Variants in KALRN observed in about 807,000 individuals in gnomAD.
KALRN encodes the protein kalirin.
Under a neutral mutation model 353.7 loss-of-function variants are expected in KALRN, and 70 were observed. The observed-to-expected ratio is 0.20, with a 90% CI of 0.16 to 0.24. KALRN has a LOEUF of 0.24. Ranked by LOEUF, KALRN falls within the 10% of genes least tolerant of loss-of-function variation. The pLI, the probability that KALRN is intolerant of heterozygous loss-of-function variation, is 1.00. For missense variants in KALRN, 2,791 were observed against 3,756.7 expected, an observed-to-expected ratio of 0.74 and a Z score of 6.72; for synonymous variants, 1,391 against 1,434.8, an observed-to-expected ratio of 0.97 and a Z score of 0.69.
At chr3:124,511,463 C>T (rs2065897077) in intron 33 of KALRN, among the ~76,000 whole-genome samples, 1 of 152,214 alleles carries the variant, frequency 6.6e-6, no homozygotes, top group Non-Finnish European at 1.5e-5. Context: ...TCCTCTTGCT[C>T]AAGTGACTTC....
At chr3:124,188,443 A>G (rs1397935513) in intron 1 of KALRN, among the ~76,000 whole-genome samples, 2 of 152,328 alleles carry the variant, frequency 1.3e-5, no homozygotes, top group East Asian at 3.9e-4. Flanking sequence ...AAAAGCTGCT[A>G]TCATTAATAT....
chr3:124,467,544 C>T (rs528163082), intron 25 of KALRN, among the ~76,000 whole-genome samples: 3 of 152,140 alleles, frequency 2.0e-5, no homozygotes, highest in Non-Finnish European at 4.4e-5. Context: ...GCAGGGATGG[C>T]TTCCTTGATG....
chr3:124,310,727 T>G (rs1013191933), intron 6 of KALRN, among the ~76,000 whole-genome samples: 7 of 152,202 alleles, frequency 4.6e-5, no homozygotes, highest in Non-Finnish European at 7.3e-5. Flanking sequence ...AGAATGATGT[T>G]GGACCCTTAC....
intron 45 of KALRN, among the ~76,000 whole-genome samples, chr3:124,663,334 A>C (rs1481147506): frequency 6.6e-6 from 1 of 152,172 alleles, no homozygotes; most frequent in Non-Finnish European, 1.5e-5. Context: ...TGCCTCTGTA[A>C]AGACCCCATT....
chr3:124,511,417 TTGTC>T (rs2065890422), intron 33 of KALRN, among the ~76,000 whole-genome samples: 1 of 152,198 alleles, frequency 6.6e-6, no homozygotes, highest in Non-Finnish European at 1.5e-5. Context: ...ATCCACAGCT[TTGTC>T]TGTAGACATC....
At chr3:124,504,266 C>T (rs1269366282) in intron 33 of KALRN, among the ~76,000 whole-genome samples, 1 of 151,954 alleles carries the variant, frequency 6.6e-6, no homozygotes, top group African/African-American at 2.4e-5. Flanking sequence ...GGAAAGGAAC[C>T]TTAGAGATCA....
chr3:124,470,697 G>A (rs1197001640), intron 25 of KALRN, among the ~76,000 whole-genome samples: 2 of 152,152 alleles, frequency 1.3e-5, no homozygotes, highest in Non-Finnish European at 2.9e-5. Context: ...TCTAAACAAT[G>A]CATTTGCTCA....
intron 10 of KALRN, among the ~76,000 whole-genome samples, chr3:124,362,491 C>T (rs2084164917): frequency 6.6e-6 from 1 of 152,252 alleles, no homozygotes; most frequent in Non-Finnish European, 1.5e-5. Flanking sequence ...TCTTGGGATG[C>T]ACAAGGCATA....
intron 2 of KALRN, among the ~76,000 whole-genome samples, chr3:124,232,261 G>C (rs1052369617): frequency 3.3e-5 from 5 of 152,196 alleles, no homozygotes; most frequent in African/African-American, 1.2e-4. Flanking sequence ...CTAGTATCCT[G>C]TCAGCAACCC....
chr3:124,158,357 G>A (rs2069340009), intron 1 of KALRN, among the ~76,000 whole-genome samples: 1 of 152,172 alleles, frequency 6.6e-6, no homozygotes, highest in Non-Finnish European at 1.5e-5. Flanking sequence ...TTATCTGATG[G>A]CCTCTGGTAT....
intron 34 of KALRN, among the ~76,000 whole-genome samples, chr3:124,601,867 G>GAA (rs57773103): frequency 0.15 from 23,147 of 149,882 alleles, 1,891 homozygotes; most frequent in Middle Eastern, 0.19. Flanking sequence ...CCATCTCTAG[G>GAA]AAAAAAAAAA....
chr3:124,471,498 G>A (rs911107456), intron 25 of KALRN, among the ~76,000 whole-genome samples: 1 of 151,864 alleles, frequency 6.6e-6, no homozygotes, highest in Non-Finnish European at 1.5e-5. Flanking sequence ...TGTTGGCTAA[G>A]CTTGAACTCC....
intron 3 of KALRN, among the ~76,000 whole-genome samples, chr3:124,243,320 A>G (rs1162511502): frequency 6.6e-6 from 1 of 152,112 alleles, no homozygotes; most frequent in Non-Finnish European, 1.5e-5. Flanking sequence ...GGTTGTAGGG[A>G]GTGGGGAAGA....
chr3:124,425,510 G>T (rs553086672), intron 15 of KALRN, among the ~76,000 whole-genome samples: 7 of 152,258 alleles, frequency 4.6e-5, no homozygotes, highest in Admixed American at 4.6e-4. Context: ...TGATGGAGAG[G>T]GTGGCACCTG....
At chr3:124,668,334 A>T (rs953367496) in intron 47 of KALRN, among the ~76,000 whole-genome samples, 1 of 152,174 alleles carries the variant, frequency 6.6e-6, no homozygotes, top group Non-Finnish European at 1.5e-5. Context: ...AAGGTGCCAT[A>T]CGAGTTGAGG....
intron 1 of KALRN, among the ~76,000 whole-genome samples, chr3:124,227,386 G>T (rs1044664453): frequency 8.5e-5 from 13 of 152,192 alleles, no homozygotes; most frequent in African/African-American, 2.9e-4. Flanking sequence ...GGAGGAAGAG[G>T]TGGGGAGAGG....
intron 9 of KALRN, among the ~76,000 whole-genome samples, chr3:124,342,092 T>G (rs1013306737): frequency 1.3e-5 from 2 of 152,144 alleles, no homozygotes; most frequent in African/African-American, 4.8e-5. Flanking sequence ...AATTATACCC[T>G]GGTGAAAAGC....
At chr3:124,259,902 C>A (rs2008839) in intron 3 of KALRN, among the ~76,000 whole-genome samples, 18,089 of 152,084 alleles carry the variant, frequency 0.12, 1,714 homozygotes, top group East Asian at 0.54. Flanking sequence ...TAGCAAAGAC[C>A]CTTCTTCTAC....
intron 1 of KALRN, among the ~76,000 whole-genome samples, chr3:124,158,252 G>A (rs900406983): frequency 1.3e-4 from 20 of 152,206 alleles, no homozygotes; most frequent in Admixed American, 7.9e-4. Flanking sequence ...CTGGGCTTCT[G>A]CCTGGTGACT....
Sources: allele counts gnomAD v4.1 joint callset (sites outside exome capture counted in the v4.1 genomes callset), GRCh38; gene constraint gnomAD v4.1.1; transcripts MANE v1.5; gene names NCBI Gene and HGNC (gene_info 2026-07-23, HGNC 2026-07-21).